SLC52A3: variants seen among roughly 807,000 people sequenced by gnomAD.
SLC52A3 encodes the protein solute carrier family 52, riboflavin transporter, member 3.
In SLC52A3, 20 loss-of-function variants were observed where a neutral mutation model predicts 29.5. That is an observed-to-expected ratio of 0.68 (90% CI 0.48 to 0.99). The LOEUF is 0.99. SLC52A3 is among the 50% of genes least tolerant of loss of function. SLC52A3 has a pLI of 0.00. For missense variants in SLC52A3, 548 were observed against 612.9 expected, an observed-to-expected ratio of 0.89 and a Z score of 1.12; for synonymous variants, 301 against 271.0, an observed-to-expected ratio of 1.11 and a Z score of -1.09.
chr20:772,843 T>C (rs657812), upstream of SLC52A3, among the ~76,000 whole-genome samples: 109,447 of 152,046 alleles, frequency 0.72, 42,705 homozygotes, highest in East Asian at 0.95. Context: ...GGAGAGGACA[T>C]GAAGGGAGTG....
intron 1 of SLC52A3, chr20:766,338 C>CAAA: frequency 6.5e-6 from 1 of 154,694 alleles, no homozygotes. Context: ...GCAGCTTCTG[C>CAAA]AAAAGATACC....
chr20:777,006 C>T (rs1442379913), upstream of SLC52A3, among the ~76,000 whole-genome samples: 2 of 152,030 alleles, frequency 1.3e-5, no homozygotes, highest in South Asian at 2.1e-4. Flanking sequence ...GAGGCCGAGG[C>T]GGGTGGATTA....
upstream of SLC52A3, among the ~76,000 whole-genome samples, chr20:777,053 T>C (rs1205744533): frequency 1.3e-5 from 2 of 151,954 alleles, no homozygotes; most frequent in Non-Finnish European, 2.9e-5. Flanking sequence ...CTGACCAAAA[T>C]GGCGAAACCC....
intron 1 of SLC52A3, among the ~76,000 whole-genome samples, chr20:774,188 G>A (rs576125537): frequency 6.6e-6 from 1 of 152,366 alleles, no homozygotes; most frequent in South Asian, 2.1e-4. Flanking sequence ...CCAGCTGGTA[G>A]GCACCTAGCC....
chr20:779,278 G>T (rs1415817331), upstream of SLC52A3, among the ~76,000 whole-genome samples: 1 of 152,176 alleles, frequency 6.6e-6, no homozygotes, highest in Non-Finnish European at 1.5e-5. Flanking sequence ...TGTGTAAATT[G>T]TAAAAATTTT....
At chr20:771,669 GAA>G (rs10624782), upstream of SLC52A3, among the ~76,000 whole-genome samples, 50 of 128,600 alleles carry the variant, frequency 3.9e-4, no homozygotes, top group Admixed American at 8.0e-4. Context: ...GCAGAGATAT[GAA>G]AAAAAAAAAA....
At position 761,116 on chromosome 20, in the gene SLC52A3, C is replaced by T. The variant is rs138169890; in HGVS notation, c.1320G>A (p.Ser440=). Residue 440 remains serine (S), a synonymous_variant, in exon 5 of 5, where the codon TCG becomes TCA. Coordinates refer to ENST00000645534, the MANE Select transcript of SLC52A3 (RefSeq NM_033409.4). ...GGAACATGAGCAGCGCTCCGAGCAG[C>T]GAGCCCAGCTGCACCGCCGCCCCGC... is the stretch of plus-strand genomic sequence containing the variant. ...LWCGAAVQLG[S]LLGALLMFPL... The T allele has an allele frequency of 1.7e-5, 27 of 1,602,132 alleles. No individual in the cohort carries two copies. The highest frequency in any genetic ancestry group is 1.0e-5 in the Non-Finnish European group (12 of 1,175,432).
chr20:765,150 C>A lies in SLC52A3; in HGVS notation c.567+58G>T, dbSNP rs981778390. On this transcript the variant is annotated intron_variant, in intron 2 of 4. Coordinates refer to ENST00000645534, the MANE Select transcript of SLC52A3 (RefSeq NM_033409.4). The surrounding 1 kb of genome is among the most constrained non-coding windows in gnomAD (Gnocchi z 6.6). ...AAGGATGGAGGTGAGCAGTTTTTCC[C>A]TCCCCTACATTTGTGATAAAGCCAA... is the stretch of plus-strand genomic sequence containing the variant. 1.2e-5 allele frequency: 19 copies of A among 1,600,064 alleles called. No homozygotes were observed. In the African/African-American group the frequency reaches 2.3e-4, roughly 19 times the overall value.
upstream of SLC52A3, among the ~76,000 whole-genome samples, chr20:779,473 A>T (rs1477896375): frequency 2.0e-5 from 3 of 152,158 alleles, no homozygotes; most frequent in Admixed American, 6.5e-5. Flanking sequence ...AATACAAAAA[A>T]TTGGCTGGGC....
rs2122505474 is a variant in SLC52A3, at chr20:761,096, A to G, written c.1340T>C (p.Met447Thr). ...QLGSLLGALL[M>T]FPLVNVLRLF... ...CCGCAGCACGTTGACCAGAGGGAACATGAGCAGCGCTCCGAGCAGCGAGCC... is the reference window on the plus strand; with the variant it reads ...CCGCAGCACGTTGACCAGAGGGAACGTGAGCAGCGCTCCGAGCAGCGAGCC... The change falls in exon 5 of 5, where the codon ATG (methionine) becomes ACG (threonine). Residue 447 changes from methionine to threonine, a missense_variant. This residue lies in a region of SLC52A3 where 173 missense variants were observed against 141.8 expected (regional missense o/e 1.22). Coordinates refer to ENST00000645534, the MANE Select transcript of SLC52A3 (RefSeq NM_033409.4). 6 of 1,608,776 alleles carry G rather than the reference A, an allele frequency of 3.7e-6. No individual in the cohort carries two copies. Among genetic ancestry groups the G allele is most frequent in the Non-Finnish European group, 5.1e-6 (6 of 1,178,246 alleles).
chr20:765,171 G>A lies in SLC52A3; in HGVS notation c.567+37C>T, dbSNP rs368027101. The A allele has an allele frequency of 1.5e-4, 248 of 1,612,148 alleles. No homozygotes were observed. Among genetic ancestry groups the A allele is most frequent in the Non-Finnish European group, 1.9e-4 (220 of 1,178,344 alleles). On this transcript the variant is annotated intron_variant, in intron 2 of 4. Coordinates refer to ENST00000645534, the MANE Select transcript of SLC52A3 (RefSeq NM_033409.4). This position sits in a 1 kb window ranked among gnomAD's most constrained non-coding sequence, Gnocchi z 6.6. Reference sequence around the variant, plus strand: ...TTCCCTCCCCTACATTTGTGATAAAGCCAAGTGCTGAGATGGCTCCGGGTG... The same window carrying A: ...TTCCCTCCCCTACATTTGTGATAAAACCAAGTGCTGAGATGGCTCCGGGTG...
upstream of SLC52A3, among the ~76,000 whole-genome samples, chr20:776,920 A>G (rs1987057234): frequency 1.4e-5 from 1 of 72,580 alleles, no homozygotes; most frequent in Non-Finnish European, 3.3e-5. Context: ...AGGTGGAGCC[A>G]TGGGTGTCAA....
intron 1 of SLC52A3, among the ~76,000 whole-genome samples, chr20:774,615 C>G (rs568964928): frequency 6.6e-6 from 1 of 152,140 alleles, no homozygotes; most frequent in African/African-American, 2.4e-5. Context: ...TGAGAAGCTG[C>G]GGCTGAGAGG....
chr20:771,575 CTT>C (rs1482779129), upstream of SLC52A3, among the ~76,000 whole-genome samples: 1 of 150,968 alleles, frequency 6.6e-6, no homozygotes, highest in Non-Finnish European at 1.5e-5. Flanking sequence ...GACTCTGAAA[CTT>C]AGGTCCTGTC....
upstream of SLC52A3, among the ~76,000 whole-genome samples, chr20:769,616 G>A (rs148970246): frequency 1.1e-3 from 161 of 152,336 alleles, no homozygotes; most frequent in East Asian, 1.2e-3. Context: ...GTAGTTATTG[G>A]CCAGGCGCGG....
chr20:764,609 T>C (rs1231044010), intron 2 of SLC52A3, among the ~76,000 whole-genome samples: 1 of 151,762 alleles, frequency 6.6e-6, no homozygotes, highest in Non-Finnish European at 1.5e-5. Context: ...AATATGACTG[T>C]AGGAGGCCAG....
chr20:778,244 A>G (rs539872911), upstream of SLC52A3, among the ~76,000 whole-genome samples: 27 of 152,176 alleles, frequency 1.8e-4, no homozygotes, highest in South Asian at 5.6e-3. Context: ...CGAACTCCTG[A>G]CCTCAGGTGA....
chr20:764,788 G>A (rs1374935581), intron 2 of SLC52A3, among the ~76,000 whole-genome samples: 1 of 152,154 alleles, frequency 6.6e-6, no homozygotes, highest in African/African-American at 2.4e-5. Flanking sequence ...CCAAGAAAAG[G>A]TATCTGTACC....
In SLC52A3 at chr20:760,245, C is replaced by A. The variant is rs932764244; in HGVS notation, c.*781G>T. 2.6e-5 allele frequency: 4 copies of A among 152,220 alleles called. No homozygotes were observed. Among genetic ancestry groups the A allele is most frequent in the African/African-American group, 9.7e-5 (4 of 41,440 alleles). The allele number at this position is 152,220 out of a possible 1,614,324, so 9.4% of individuals were successfully genotyped here. On this transcript the variant is annotated 3_prime_UTR_variant, in exon 5 of 5. Transcript: ENST00000645534. The surrounding 1 kb of genome is among the most constrained non-coding windows in gnomAD (Gnocchi z 4.9). ...TTTCAGAGGCTCAGGGATGGGCCTT[C>A]CCCAGCCCCACCAGCAAATCATCTC...
Sources: allele counts gnomAD v4.1 joint callset (sites outside exome capture counted in the v4.1 genomes callset), GRCh38; gene constraint gnomAD v4.1.1; regional missense constraint gnomAD v4.1.1; non-coding constraint Gnocchi (gnomAD v3.1); transcripts MANE v1.5; gene names NCBI Gene and HGNC (gene_info 2026-07-23, HGNC 2026-07-21).